The following APC variants were observed in gnomAD, a reference collection of about 807,000 sequenced individuals.
APC encodes adenomatous polyposis coli protein.
APC carries 72 observed loss-of-function variants against 247.0 expected under a neutral mutation model. That is an observed-to-expected ratio of 0.29 (90% CI 0.24 to 0.35). APC has a LOEUF of 0.35. Among genes scored for constraint, APC ranks in the 10% least tolerant of loss-of-function variants. The pLI is 1.00. For synonymous variants in APC, 1,254 were observed against 1,162.5 expected, an observed-to-expected ratio of 1.08 and a Z score of -1.60; for missense variants, 3,400 against 3,360.7, an observed-to-expected ratio of 1.01 and a Z score of -0.29.
chr5:112,789,197 T>C (rs1759308123), intron 6 of APC, among the ~76,000 whole-genome samples: 1 of 152,242 alleles, frequency 6.6e-6, no homozygotes, highest in African/African-American at 2.4e-5. Flanking sequence ...TAAATATAAC[T>C]TCACAAATAT....
At position 112,731,746 on chromosome 5, in the gene APC, T is replaced by G. The variant is rs189174793; in HGVS notation, c.165+23864T>G. ...GATCATTTGATATACTAAAACATTC[T>G]TCTGGGTTTTTTTGGTTTTGTTTTG... On this transcript the variant is annotated intron_variant, in intron 1 of 13. Transcript: ENST00000507379. Among the ~76,000 whole-genome samples, 301 of 152,278 alleles carry G rather than the reference T, an allele frequency of 2.0e-3. 2 individuals carry two copies. The highest frequency in any genetic ancestry group is 4.2e-3 in the South Asian group (20 of 4,814).
intron 8 of APC, among the ~76,000 whole-genome samples, chr5:112,803,340 C>G (rs374857981): frequency 6.6e-6 from 1 of 152,102 alleles, no homozygotes; most frequent in Non-Finnish European, 1.5e-5. Flanking sequence ...CATCATAATA[C>G]TAACAATAGC....
chr5:112,790,586 C>G lies in APC; in HGVS notation c.646-1860C>G, dbSNP rs150550989. ...CCTAGTGATCCATCTGCCTCGGCCT[C>G]CTGAAGTGCTGGGATTGCAGGCGTG... On this transcript the variant is annotated intron_variant, in intron 6 of 15. Transcript: ENST00000257430. Among the ~76,000 whole-genome samples, 673 of 152,228 alleles carry G rather than the reference C, an allele frequency of 4.4e-3. 18 individuals carry two copies. Among genetic ancestry groups the G allele is most frequent in the Admixed American group, 0.041 (622 of 15,284 alleles).
chr5:112,837,518 G>T (rs2149857038), intron 15 of APC, 35 bp from the exon 16 acceptor site: 1 of 1,521,228 alleles, frequency 6.6e-7, no homozygotes, highest in South Asian at 1.1e-5. Flanking sequence ...TACACATTGT[G>T]ACCTTAATTT....
chr5:112,830,564 G>T (rs1402712210), intron 14 of APC, among the ~76,000 whole-genome samples: 1 of 152,112 alleles, frequency 6.6e-6, no homozygotes, highest in Non-Finnish European at 1.5e-5. Context: ...TACCCAAGAG[G>T]AGCAAAAGTG....
At chr5:112,731,962 A>T (rs1253142242) in intron 1 of APC, among the ~76,000 whole-genome samples, 1 of 152,160 alleles carries the variant, frequency 6.6e-6, no homozygotes, top group Admixed American at 6.5e-5. Flanking sequence ...GGGTTTCGCC[A>T]TGTTGGCCAG....
intron 7 of APC, among the ~76,000 whole-genome samples, chr5:112,799,859 G>C (rs1035421694): frequency 3.3e-5 from 5 of 152,016 alleles, no homozygotes; most frequent in Admixed American, 3.3e-4. Flanking sequence ...CATGTGATCT[G>C]TTTTACCCAG....
At chr5:112,762,345 T>G (rs1321692561) in intron 2 of APC, among the ~76,000 whole-genome samples, 1 of 152,176 alleles carries the variant, frequency 6.6e-6, no homozygotes, top group African/African-American at 2.4e-5. Context: ...AGAAATGTAC[T>G]CAAGAGAAGT....
At chr5:112,719,992 T>A (rs1366016250) in intron 1 of APC, among the ~76,000 whole-genome samples, 1 of 152,254 alleles carries the variant, frequency 6.6e-6, no homozygotes. Flanking sequence ...TAGGTACAAT[T>A]TGCGTTTGAA....
rs371182486 is a variant in APC at position 112,724,750 on chromosome 5, G to A, written c.165+16868G>A. Among the ~76,000 whole-genome samples, 35 of 152,236 alleles carry A rather than the reference G, an allele frequency of 2.3e-4. No homozygotes were observed. In the South Asian group the frequency reaches 7.1e-3, roughly 31 times the overall value. ...TAAGAACCTTCCAGTAAATGAAATG[G>A]TATAGTGATTTGGTGGTGAGTGCAC... On this transcript the variant is annotated intron_variant, in intron 1 of 13. Coordinates refer to the APC transcript ENST00000507379.
rs1561622555 is a variant in APC at position 112,843,954 on chromosome 5, A to G, written c.8360A>G (p.Asn2787Ser). 6.2e-7 allele frequency: 1 copy of G among 1,607,370 alleles called. No homozygotes were observed. The highest frequency in any genetic ancestry group is 8.5e-7 in the Non-Finnish European group (1 of 1,176,538). ...VAARVTPFNY[N>S]PSPRKSSADS... Reference sequence around the variant, plus strand: ...GCCAGAGTGACTCCTTTTAATTACAACCCAAGCCCTAGGAAAAGCAGCGCA... The same window carrying G: ...GCCAGAGTGACTCCTTTTAATTACAGCCCAAGCCCTAGGAAAAGCAGCGCA... The change falls in exon 16 of 16, where the codon AAC (asparagine) becomes AGC (serine). Residue 2787 changes from asparagine to serine, a missense_variant. By Grantham distance (46) the Asn-to-Ser change is conservative (BLOSUM62 1). Around this residue, in one of 9 missense-constraint regions of APC, gnomAD observed 1,788 missense variants for 1,649.5 expected, o/e 1.08. Transcript: ENST00000257430. This position sits in a 1 kb window ranked among gnomAD's most constrained non-coding sequence, Gnocchi z 4.8.
intron 4 of APC, among the ~76,000 whole-genome samples, chr5:112,774,726 C>G (rs1003430542): frequency 1.3e-5 from 2 of 152,006 alleles, no homozygotes; most frequent in South Asian, 2.1e-4. Context: ...ATCCACCTGC[C>G]TCGGCTTCCC....
intron 4 of APC, among the ~76,000 whole-genome samples, chr5:112,768,716 T>C (rs1473595735): frequency 1.3e-5 from 2 of 151,922 alleles, no homozygotes; most frequent in Non-Finnish European, 2.9e-5. Context: ...GCTCATCCTA[T>C]GGTAGCGTAG....
chr5:112,789,946 G>T (rs148006465), intron 6 of APC, among the ~76,000 whole-genome samples: 1 of 151,124 alleles, frequency 6.6e-6, no homozygotes, highest in African/African-American at 2.4e-5. Context: ...TGCAACCTCC[G>T]CCTCCCAGGC....
At chr5:112,776,591 A>G (rs1757674207) in intron 5 of APC, among the ~76,000 whole-genome samples, 1 of 152,180 alleles carries the variant, frequency 6.6e-6, no homozygotes, top group African/African-American at 2.4e-5. Context: ...TAACCCCAGC[A>G]CTTTGGGAGG....
chr5:112,736,103 A>C (rs567415406), upstream of APC, among the ~76,000 whole-genome samples: 1 of 152,318 alleles, frequency 6.6e-6, no homozygotes, highest in East Asian at 1.9e-4. Context: ...ACCTATTCTG[A>C]ATTTGTCACA....
chr5:112,785,835 T>C (rs1758880225), intron 6 of APC, among the ~76,000 whole-genome samples: 1 of 152,166 alleles, frequency 6.6e-6, no homozygotes, highest in South Asian at 2.1e-4. Context: ...TATAGGTTGA[T>C]TAGCTATTCA....
chr5:112,742,791 A>G (rs1753199999), intron 1 of APC, among the ~76,000 whole-genome samples: 1 of 152,166 alleles, frequency 6.6e-6, no homozygotes, highest in African/African-American at 2.4e-5. Flanking sequence ...CACCAAAGAG[A>G]GGAATTAGGA....
chr5:112,821,496 C>T (rs965142311), intron 10 of APC, among the ~76,000 whole-genome samples: 4 of 150,964 alleles, frequency 2.6e-5, no homozygotes, highest in African/African-American at 9.8e-5. Flanking sequence ...AGAGCAAGAC[C>T]CTGTTTTGTT....
Sources: allele counts gnomAD v4.1 joint callset (sites outside exome capture counted in the v4.1 genomes callset), GRCh38; gene constraint gnomAD v4.1.1; regional missense constraint gnomAD v4.1.1; non-coding constraint Gnocchi (gnomAD v3.1); transcripts MANE v1.5; gene names NCBI Gene and HGNC (gene_info 2026-07-23, HGNC 2026-07-21).